PRRC1: variants seen among roughly 807,000 people sequenced by gnomAD.
PRRC1 encodes the protein protein PRRC1.
A neutral mutation model predicts 40.7 loss-of-function variants in PRRC1; 39 were observed. That is an observed-to-expected ratio of 0.96 (90% CI 0.74 to 1.25). The LOEUF is 1.25. PRRC1 is among the 50% of genes most tolerant of loss of function. PRRC1 has a pLI of 0.00. For missense variants in PRRC1, 573 were observed against 548.3 expected, an observed-to-expected ratio of 1.05 and a Z score of -0.45; for synonymous variants, 175 against 193.3, an observed-to-expected ratio of 0.91 and a Z score of 0.79.
Position 127,553,235 on chromosome 5 carries a change from G to A in PRRC1, c.*1319G>A, listed in dbSNP as rs1216929919. The A allele has an allele frequency of 4.1e-6, 4 of 985,776 alleles. No individual in the cohort carries two copies. The highest frequency in any genetic ancestry group is 4.8e-6 in the Non-Finnish European group (4 of 830,356). 61.1% of individuals were successfully genotyped at this position (985,776 alleles called of 1,614,324 possible). ...CCTGCACTGTCTTTAGGTATCATAG[G>A]TATCAGGTTTGCTTTGTGTTAATGC... is the stretch of plus-strand genomic sequence containing the variant. On this transcript the variant is annotated 3_prime_UTR_variant, in exon 9 of 9. Transcript: ENST00000296666.
At chr5:127,527,687 A>C (rs1264540659) in intron 4 of PRRC1, among the ~76,000 whole-genome samples, 1 of 141,512 alleles carries the variant, frequency 7.1e-6, no homozygotes, top group Non-Finnish European at 1.5e-5. Flanking sequence ...TGAGCCCAGG[A>C]GGTCCAGGCT....
chr5:127,550,680 C>G (rs1223012904), intron 8 of PRRC1: 1 of 152,184 alleles, frequency 6.6e-6, no homozygotes, highest in Non-Finnish European at 1.5e-5. Context: ...TCAGGGGATT[C>G]ATAGGCATGC....
At chr5:127,531,631 T>TC in intron 5 of PRRC1, among the ~76,000 whole-genome samples, 1 of 140,128 alleles carries the variant, frequency 7.1e-6, no homozygotes. Context: ...TTTTTTTTTT[T>TC]TTTTTTTTTG....
At chr5:127,525,025 C>T in intron 3 of PRRC1, 105 bp downstream of exon 3, 1 of 1,162,690 alleles carries the variant, frequency 8.6e-7, no homozygotes, top group Admixed American at 2.7e-5. Context: ...CTACAATTCA[C>T]CCAATTCAAA....
chr5:127,547,779 T>G lies in PRRC1; in HGVS notation c.1026-40T>G, dbSNP rs146428954. 298 of 1,342,688 alleles carry G rather than the reference T, an allele frequency of 2.2e-4. No individual in the cohort carries two copies. In the African/African-American group the frequency reaches 3.6e-3, roughly 16 times the overall value. The allele number at this position is 1,342,688 out of a possible 1,614,324, so 83.2% of individuals were successfully genotyped here. A position where few individuals can be genotyped will look rare whatever the true frequency, so the allele number is the denominator to read the frequency against. ...TTTGTCTATTCATGATAAGTTTTATTTGGCATATAAACCATTTGAAACTCG... is the reference window on the plus strand; with the variant it reads ...TTTGTCTATTCATGATAAGTTTTATGTGGCATATAAACCATTTGAAACTCG... On this transcript the variant is annotated intron_variant, in intron 7 of 8. Transcript: ENST00000296666.
intron 7 of PRRC1, among the ~76,000 whole-genome samples, chr5:127,539,910 A>T (rs1767995083): frequency 6.6e-6 from 1 of 152,048 alleles, no homozygotes; most frequent in South Asian, 2.1e-4. Flanking sequence ...CAGGAAATAT[A>T]TAAAATTTCA....
chr5:127,533,626 C>T lies in PRRC1; in HGVS notation c.761C>T (p.Ser254Phe). 1 of 1,607,516 alleles carries T rather than the reference C, an allele frequency of 6.2e-7. No individual in the cohort carries two copies. Among genetic ancestry groups the T allele is most frequent in the African/African-American group, 1.3e-5 (1 of 74,568 alleles). The stretch of plus-strand genomic sequence containing the variant: ...AATTTTCCTCTGGTCTTTTTAGAAT[C>T]TGGAGGTGAACTGGATATTGTAGTG... ...LDPGMAPYIK[S>F]GGELDIVVTS... The change falls in exon 6 of 9, where the codon TCT becomes TTT. Residue 254 changes from serine to phenylalanine, a missense_variant. Coordinates refer to ENST00000296666, the MANE Select transcript of PRRC1 (RefSeq NM_130809.5).
chr5:127,518,748 T>TA (rs1026341993), intron 1 of PRRC1, among the ~76,000 whole-genome samples: 1 of 151,072 alleles, frequency 6.6e-6, no homozygotes, highest in Non-Finnish European at 1.5e-5. Context: ...TTTTTTTTTT[T>TA]AACAGAAAAA....
chr5:127,553,809 C>G lies in PRRC1; in HGVS notation c.*1893C>G, dbSNP rs1768455237. The G allele has an allele frequency of 6.5e-7, 1 of 1,535,384 alleles. No homozygotes were observed. Among genetic ancestry groups the G allele is most frequent in the East Asian group, 2.4e-5 (1 of 40,892 alleles). ...GACATTTCATTAGATGATTATTTTCCTAGAATCCCCAAAGAGCAGTGGCAG... is the reference window on the plus strand; with the variant it reads ...GACATTTCATTAGATGATTATTTTCGTAGAATCCCCAAAGAGCAGTGGCAG... On this transcript the variant is annotated 3_prime_UTR_variant, in exon 9 of 9. Coordinates refer to ENST00000296666, the MANE Select transcript of PRRC1 (RefSeq NM_130809.5).
intron 4 of PRRC1, among the ~76,000 whole-genome samples, chr5:127,528,631 AT>A (rs368317771): frequency 0.014 from 2,162 of 149,714 alleles, 51 homozygotes; most frequent in African/African-American, 0.049. Context: ...TTTTCTTTAC[AT>A]TTTTTTTTAA....
At chr5:127,522,760 A>G (rs1767493032) in intron 1 of PRRC1, among the ~76,000 whole-genome samples, 3 of 151,744 alleles carry the variant, frequency 2.0e-5, no homozygotes, top group Admixed American at 2.0e-4. Flanking sequence ...AAGGGCTTCA[A>G]AAATACATTA....
At chr5:127,518,534 T>C (rs1315891862) in intron 1 of PRRC1, among the ~76,000 whole-genome samples, 1 of 152,252 alleles carries the variant, frequency 6.6e-6, no homozygotes, top group Non-Finnish European at 1.5e-5. Flanking sequence ...GTCTTTCTCC[T>C]GTGCAGCCAG....
intron 1 of PRRC1, among the ~76,000 whole-genome samples, chr5:127,520,540 A>C (rs1331304683): frequency 2.0e-5 from 3 of 152,240 alleles, no homozygotes; most frequent in Admixed American, 2.0e-4. Context: ...CATTATGTTG[A>C]ATGAAAAAAA....
chr5:127,543,272 G>A (rs573676866), intron 7 of PRRC1, among the ~76,000 whole-genome samples: 342 of 152,226 alleles, frequency 2.2e-3, no homozygotes, highest in Admixed American at 7.2e-3. Context: ...CCCTTTGTGG[G>A]TAACCCGACC....
chr5:127,519,361 A>T (rs1310080244), intron 1 of PRRC1, among the ~76,000 whole-genome samples: 2 of 152,170 alleles, frequency 1.3e-5, no homozygotes, highest in African/African-American at 4.8e-5. Flanking sequence ...TTCACAGCCA[A>T]ACTTTTTGAA....
intron 6 of PRRC1, among the ~76,000 whole-genome samples, chr5:127,536,070 C>A (rs1016900056): frequency 6.6e-6 from 1 of 152,062 alleles, no homozygotes; most frequent in African/African-American, 2.4e-5. Flanking sequence ...AATTAAATTA[C>A]ATGTTTTCTG....
chr5:127,550,549 T>C (rs192648951), intron 8 of PRRC1: 25 of 152,294 alleles, frequency 1.6e-4, no homozygotes, highest in African/African-American at 5.3e-4. Context: ...GAATACCTTG[T>C]TTCTAAAAAG....
In PRRC1 at chr5:127,524,823, A is replaced by C. The variant is rs756031565; in HGVS notation, c.396A>C (p.Gly132=). The C allele has an allele frequency of 6.2e-7, 1 of 1,614,000 alleles. No individual in the cohort carries two copies. Among genetic ancestry groups the C allele is most frequent in the South Asian group, 1.1e-5 (1 of 91,084 alleles). Residue 132 remains glycine (G), a synonymous_variant, in exon 3 of 9, where the codon GGA becomes GGC. Transcript: ENST00000296666. ...CCCCTTCGGGTCCTCCTATATCAGG[A>C]TTTTCTGTTGGTTCAACTTATGACA... is the stretch of plus-strand genomic sequence containing the variant. The part of the protein sequence containing the change: ...PAPPSGPPIS[G]FSVGSTYDIT...
intron 2 of PRRC1, 115 bp from the exon 3 acceptor site, chr5:127,524,416 T>C: frequency 1.1e-6 from 1 of 900,402 alleles, no homozygotes; most frequent in Admixed American, 2.3e-5. Flanking sequence ...AAATAATTCT[T>C]GGGATATGCT....
Sources: gnomAD v4.1 joint callset for allele counts (sites outside exome capture counted in the v4.1 genomes callset) on GRCh38, gnomAD v4.1.1 for gene constraint, MANE v1.5 for transcripts, NCBI Gene and HGNC (gene_info 2026-07-23, HGNC 2026-07-21) for gene names.